Variants in FANCD2 observed in about 807,000 individuals in gnomAD.
FANCD2 encodes Fanconi anemia group D2 protein.
In FANCD2, 131 loss-of-function variants were observed where a neutral mutation model predicts 192.3. The observed-to-expected ratio is 0.68, with a 90% CI of 0.59 to 0.79. The LOEUF (loss-of-function observed/expected upper bound fraction) is 0.79. Ranked by LOEUF, FANCD2 falls within the 30% of genes least tolerant of loss-of-function variation. The probability of loss-of-function intolerance (pLI) is 0.00; values close to 1 mark genes in which losing one functional copy is unlikely to be tolerated. For missense variants in FANCD2, 1,508 were observed against 1,701.6 expected (o/e 0.89, Z 2.00); for synonymous variants, 524 against 612.5 (o/e 0.86, Z 2.13).
At chr3:10,088,130 C>T (rs1320418689) in intron 34 of FANCD2, among the ~76,000 whole-genome samples, 1 of 152,146 alleles carries the variant, frequency 6.6e-6, no homozygotes, top group Non-Finnish European at 1.5e-5. Context: ...CCAGGAGGAA[C>T]AAGATTGGCC....
chr3:10,054,446 CAT>C (rs1319690526), intron 18 of FANCD2, among the ~76,000 whole-genome samples: 2,179 of 36,420 alleles, frequency 0.06, 204 homozygotes, highest in East Asian at 0.11. Context: ...CATGTATATA[CAT>C]ATATATATAT....
chr3:10,076,828 T>TGATTCTTCTGCCTCCTGAGCTCAAGC (rs879663189), intron 29 of FANCD2, among the ~76,000 whole-genome samples: 1 of 152,134 alleles, frequency 6.6e-6, no homozygotes, highest in African/African-American at 2.4e-5. Context: ...TGAGCTCAAG[T>TGATTCTTCTGCCTCCTGAGCTCAAGC]GATTCTTCTG....
intron 29 of FANCD2, 93 bp downstream of exon 29, chr3:10,074,766 G>T: frequency 8.1e-7 from 1 of 1,238,474 alleles, no homozygotes; most frequent in Non-Finnish European, 1.2e-6. Context: ...TGACACTGAG[G>T]AGAGAAGTTA....
intron 39 of FANCD2, among the ~76,000 whole-genome samples, chr3:10,093,765 G>A (rs1418619165): frequency 6.6e-6 from 1 of 152,198 alleles, no homozygotes; most frequent in African/African-American, 2.4e-5. Flanking sequence ...AGTCCAGTCA[G>A]AATGTTATGG....
At chr3:10,069,462 T>G (rs1051287921) in intron 26 of FANCD2, among the ~76,000 whole-genome samples, 21,485 of 121,184 alleles carry the variant, frequency 0.18, 2,379 homozygotes, top group African/African-American at 0.36. Context: ...TTAAGATGCC[T>G]CTCCCCCTCC....
chr3:10,071,131 A>C (rs1477900340), intron 26 of FANCD2, among the ~76,000 whole-genome samples: 1 of 150,360 alleles, frequency 6.7e-6, no homozygotes, highest in Non-Finnish European at 1.5e-5. Context: ...TCGATAAAAA[A>C]AAAAAAAGAA....
At position 10,050,343 on chromosome 3, in the gene FANCD2, G is replaced by A. The variant is rs116922603; in HGVS notation, c.1545+838G>A. 6.2e-4 allele frequency among the ~76,000 whole-genome samples: 94 copies of A among 152,272 alleles called. 1 individual carries two copies. In the East Asian group the frequency reaches 0.015, roughly 24 times the overall value. Reference sequence around the variant, plus strand: ...TGGTGACTGTTAAGAATATGTGGCGGTCCGGGTGCGGTGGCTCATGCTTGT... The same window carrying A: ...TGGTGACTGTTAAGAATATGTGGCGATCCGGGTGCGGTGGCTCATGCTTGT... On this transcript the variant is annotated intron_variant, in intron 17 of 43. Coordinates refer to ENST00000675286, the MANE Select transcript of FANCD2 (RefSeq NM_001018115.3).
chr3:10,054,372 TATATAC>T (rs1464882677), intron 18 of FANCD2, among the ~76,000 whole-genome samples: 1 of 111,782 alleles, frequency 8.9e-6, no homozygotes, highest in African/African-American at 4.9e-5. Flanking sequence ...TATATACGTG[TATATAC>T]ATATATATAT....
intron 18 of FANCD2, among the ~76,000 whole-genome samples, chr3:10,053,950 G>T (rs902620431): frequency 6.6e-6 from 1 of 152,036 alleles, no homozygotes; most frequent in Admixed American, 6.6e-5. Context: ...AAAAAGCCAG[G>T]CTGTAATCCC....
chr3:10,057,176 G>A (rs959070727), intron 18 of FANCD2, among the ~76,000 whole-genome samples: 1 of 151,948 alleles, frequency 6.6e-6, no homozygotes, highest in African/African-American at 2.4e-5. Context: ...TTTTAAATTA[G>A]GTTTTTGTCG....
At chr3:10,054,205 C>G (rs1414066688) in intron 18 of FANCD2, among the ~76,000 whole-genome samples, 1 of 150,888 alleles carries the variant, frequency 6.6e-6, no homozygotes, top group Admixed American at 6.6e-5. Context: ...GAGTGAGACT[C>G]TATCTCAAAA....
intron 32 of FANCD2, among the ~76,000 whole-genome samples, chr3:10,084,040 C>T (rs1340055693): frequency 6.6e-6 from 1 of 151,490 alleles, no homozygotes; most frequent in Admixed American, 6.6e-5. Context: ...GTCGCTCAGG[C>T]TGGAGTGCAG....
At chr3:10,082,560 C>T (rs1693909696) in intron 32 of FANCD2, among the ~76,000 whole-genome samples, 1 of 152,156 alleles carries the variant, frequency 6.6e-6, no homozygotes, top group Non-Finnish European at 1.5e-5. Context: ...TATACTCTGC[C>T]TCCAGCCTCA....
At chr3:10,045,850 T>G (rs1455898290) in intron 14 of FANCD2, 2 of 152,000 alleles carry the variant, frequency 1.3e-5, no homozygotes, top group Non-Finnish European at 2.9e-5. Flanking sequence ...TCCACCCATC[T>G]CGGCCTCCCA....
intron 37 of FANCD2, among the ~76,000 whole-genome samples, chr3:10,091,498 A>T (rs1292533160): frequency 6.6e-6 from 1 of 151,902 alleles, no homozygotes. Context: ...GAAAAAACAT[A>T]TACCGGCTGT....
At chr3:10,039,958 A>C in intron 9 of FANCD2, 113 bp downstream of exon 9, 3 of 1,208,098 alleles carry the variant, frequency 2.5e-6, no homozygotes, top group Middle Eastern at 2.8e-4. Context: ...AGAGGATGAT[A>C]CCCCCCTTCA....
chr3:10,067,173 A>G, intron 25 of FANCD2, 36 bp from the exon 26 acceptor site: 2 of 1,298,002 alleles, frequency 1.5e-6, no homozygotes, highest in African/African-American at 1.5e-5. Flanking sequence ...AAATCTGAAC[A>G]TTTGGAAGTA....
chr3:10,079,456 C>T (rs923120956), intron 30 of FANCD2, among the ~76,000 whole-genome samples: 23 of 151,988 alleles, frequency 1.5e-4, no homozygotes, highest in African/African-American at 5.6e-4. Flanking sequence ...CAGGCGCGCG[C>T]CACCACACCC....
chr3:10,101,193 T>C lies in FANCD2; in HGVS notation c.4287T>C (p.Gly1429=), dbSNP rs1261579357. 1.2e-6 allele frequency: 2 copies of C among 1,612,410 alleles called. No individual in the cohort carries two copies. The highest frequency in any genetic ancestry group is 1.1e-5 in the South Asian group (1 of 91,040). The change falls in exon 44 of 44, where the codon GGT becomes GGC. Residue 1429 remains glycine (G), a synonymous_variant. Coordinates refer to ENST00000675286, the MANE Select transcript of FANCD2 (RefSeq NM_001018115.3). ...QASKSKATED[G]EEDEVSAGEK... ...ATTTATTCTTTGCCCCTTAGGATGG[T>C]GAAGAAGACGAAGTAAGTGCTGGAG...
Sources: gnomAD v4.1 joint callset for allele counts (sites outside exome capture counted in the v4.1 genomes callset) on GRCh38, gnomAD v4.1.1 for gene constraint, MANE v1.5 for transcripts, NCBI Gene and HGNC (gene_info 2026-07-23, HGNC 2026-07-21) for gene names.